The following RAB3C variants were observed in gnomAD, a reference collection of about 807,000 sequenced individuals.
The protein encoded by RAB3C is RAB3C, member RAS oncogene family.
A neutral mutation model predicts 26.4 loss-of-function variants in RAB3C; 17 were observed. That is an observed-to-expected ratio of 0.64 (90% CI 0.44 to 0.97). RAB3C has a LOEUF of 0.97. Ranked by LOEUF, RAB3C falls within the 50% of genes least tolerant of loss-of-function variation. The pLI is 0.00. For synonymous variants in RAB3C, 91 were observed against 95.9 expected (o/e 0.95, Z 0.30); for missense variants, 242 against 281.9 (o/e 0.86, Z 1.01).
chr5:58,726,694 CT>C (rs1365149671), intron 3 of RAB3C, among the ~76,000 whole-genome samples: 1 of 151,950 alleles, frequency 6.6e-6, no homozygotes, highest in African/African-American at 2.4e-5. Flanking sequence ...GTTATTCAAA[CT>C]GAAAAATTTT....
At chr5:58,796,898 C>T (rs1281005298) in intron 3 of RAB3C, among the ~76,000 whole-genome samples, 1 of 151,786 alleles carries the variant, frequency 6.6e-6, no homozygotes, top group East Asian at 1.9e-4. Context: ...TCCCTGGGCA[C>T]AGAGATAGGC....
At chr5:58,769,089 A>G (rs1475817822) in intron 3 of RAB3C, among the ~76,000 whole-genome samples, 1 of 151,978 alleles carries the variant, frequency 6.6e-6, no homozygotes. Flanking sequence ...AGGGGAGACC[A>G]AGAAGAACCG....
intron 2 of RAB3C, among the ~76,000 whole-genome samples, chr5:58,679,175 A>C (rs1748295922): frequency 6.6e-6 from 1 of 152,328 alleles, no homozygotes; most frequent in East Asian, 1.9e-4. Context: ...AAAATTTTGA[A>C]GGAGAAGCAG....
chr5:58,823,089 C>T (rs2675385), intron 3 of RAB3C: 259,296 of 501,404 alleles, frequency 0.52, 68,643 homozygotes, highest in Middle Eastern at 0.63. Flanking sequence ...AATGCAGAAG[C>T]GCATGGGAAA....
intron 3 of RAB3C, among the ~76,000 whole-genome samples, chr5:58,813,593 TATATATATATATATA>T (rs777344387): frequency 8.7e-5 from 8 of 91,898 alleles, no homozygotes; most frequent in Admixed American, 1.0e-4. Context: ...TATTTATATT[TATATATATATATATA>T]TATATATATA....
At chr5:58,778,559 C>G (rs1213837995) in intron 3 of RAB3C, among the ~76,000 whole-genome samples, 2 of 152,112 alleles carry the variant, frequency 1.3e-5, no homozygotes, top group Non-Finnish European at 2.9e-5. Flanking sequence ...TGGGTTCTGG[C>G]ACTGCCTAGT....
chr5:58,614,845 T>G (rs1186562797), intron 1 of RAB3C, among the ~76,000 whole-genome samples: 2 of 152,174 alleles, frequency 1.3e-5, no homozygotes, highest in African/African-American at 4.8e-5. Flanking sequence ...AAATTTCATG[T>G]GTACTGAACA....
chr5:58,606,123 T>G (rs1746563296), intron 1 of RAB3C, among the ~76,000 whole-genome samples: 1 of 151,546 alleles, frequency 6.6e-6, no homozygotes, highest in Non-Finnish European at 1.5e-5. Flanking sequence ...GCACAAGGGG[T>G]CAGGGATTTC....
Position 58,688,102 on chromosome 5 carries a change from G to T in RAB3C, c.253-37900G>T, listed in dbSNP as rs114121972. On this transcript the variant is annotated intron_variant, in intron 2 of 4. Coordinates refer to ENST00000282878, the MANE Select transcript of RAB3C (RefSeq NM_138453.4). ...AAATCATTTTACTTGGTGCCAAGAG[G>T]TATGGATGTTTAATAACCTGTTTAT... is the stretch of plus-strand genomic sequence containing the variant. Among the ~76,000 whole-genome samples, 903 of 152,202 alleles carry T rather than the reference G, an allele frequency of 5.9e-3. 11 individuals carry two copies. Among genetic ancestry groups the T allele is most frequent in the African/African-American group, 0.02 (847 of 41,558 alleles).
chr5:58,791,738 C>T (rs1184110997), intron 3 of RAB3C, among the ~76,000 whole-genome samples: 3 of 152,154 alleles, frequency 2.0e-5, no homozygotes, highest in Non-Finnish European at 4.4e-5. Flanking sequence ...AAGCAGGTCT[C>T]TACCATCAGG....
intron 3 of RAB3C, among the ~76,000 whole-genome samples, chr5:58,782,010 A>C (rs1325106260): frequency 6.6e-6 from 1 of 152,156 alleles, no homozygotes; most frequent in East Asian, 1.9e-4. Flanking sequence ...ACTTTTCACT[A>C]TCTTTTGAGT....
intron 2 of RAB3C, among the ~76,000 whole-genome samples, chr5:58,645,854 A>G (rs1203906549): frequency 6.6e-6 from 1 of 152,114 alleles, no homozygotes; most frequent in Admixed American, 6.5e-5. Flanking sequence ...CCCACAGATA[A>G]CTGGGACCTG....
Position 58,851,410 on chromosome 5 carries a change from A to G in RAB3C, c.*59A>G. The G allele has an allele frequency of 7.2e-7, 1 of 1,389,616 alleles. No homozygotes were observed. Among genetic ancestry groups the G allele is most frequent in the Non-Finnish European group, 9.8e-7 (1 of 1,020,320 alleles). 86.1% of individuals were successfully genotyped at this position (1,389,616 alleles called of 1,614,324 possible). A position where few individuals can be genotyped will look rare whatever the true frequency, so the allele number is the denominator to read the frequency against. On this transcript the variant is annotated 3_prime_UTR_variant, in exon 5 of 5. Transcript: ENST00000282878. ...CTGGTTGCCAACAAACAGCATTTGTAAATGGTCTATTAGCCTTCATTTATA... is the reference window on the plus strand; with the variant it reads ...CTGGTTGCCAACAAACAGCATTTGTGAATGGTCTATTAGCCTTCATTTATA...
chr5:58,606,631 C>T (rs1403312928), intron 1 of RAB3C, among the ~76,000 whole-genome samples: 1 of 152,198 alleles, frequency 6.6e-6, no homozygotes, highest in Non-Finnish European at 1.5e-5. Flanking sequence ...CTGGGAGACA[C>T]CTCCCAGTAG....
chr5:58,693,192 ATAATTATATAAATT>A (rs1453805504), intron 2 of RAB3C, among the ~76,000 whole-genome samples: 2 of 146,776 alleles, frequency 1.4e-5, no homozygotes, highest in Admixed American at 6.8e-5. Context: ...AGATAAGTTT[ATAATTATATAAATT>A]TAATTATATA....
At chr5:58,794,302 A>G (rs1742596571) in intron 3 of RAB3C, 1 of 150,518 alleles carries the variant, frequency 6.6e-6, no homozygotes. Context: ...AGAATTTACA[A>G]TTTAAAAGAA....
At chr5:58,630,787 A>G (rs1017977623) in intron 2 of RAB3C, among the ~76,000 whole-genome samples, 4 of 152,260 alleles carry the variant, frequency 2.6e-5, no homozygotes, top group Admixed American at 2.0e-4. Flanking sequence ...GCTCTAGACC[A>G]TAGAAGGCAC....
upstream of RAB3C, chr5:58,583,000 G>C: frequency 7.4e-7 from 1 of 1,360,384 alleles, no homozygotes; most frequent in Non-Finnish European, 9.6e-7. Context: ...CACCCGGAGG[G>C]CGAGACTACA....
chr5:58,639,946 T>C (rs1319433304), intron 2 of RAB3C, among the ~76,000 whole-genome samples: 2 of 152,232 alleles, frequency 1.3e-5, no homozygotes, highest in African/African-American at 4.8e-5. Flanking sequence ...TGTCATGAAT[T>C]CCTAACATTT....
Sources: gnomAD v4.1 joint callset for allele counts (sites outside exome capture counted in the v4.1 genomes callset) on GRCh38, gnomAD v4.1.1 for gene constraint, MANE v1.5 for transcripts, NCBI Gene and HGNC (gene_info 2026-07-23, HGNC 2026-07-21) for gene names.